The following GOLIM4 variants were observed in gnomAD, a reference collection of about 807,000 sequenced individuals.
The protein encoded by GOLIM4 is golgi integral membrane protein 4.
In GOLIM4, 71 loss-of-function variants were observed where a neutral mutation model predicts 107.4. That is an observed-to-expected ratio of 0.66 (90% CI 0.55 to 0.81). The LOEUF (loss-of-function observed/expected upper bound fraction) is 0.81, where lower values mean the gene tolerates loss of function less well. Ranked by LOEUF, GOLIM4 falls within the 30% of genes least tolerant of loss-of-function variation. GOLIM4 has a pLI of 0.00. For synonymous variants in GOLIM4, 327 were observed against 294.8 expected (o/e 1.11, Z -1.12); for missense variants, 830 against 826.1 (o/e 1.00, Z -0.06).
At chr3:168,023,306 C>T (rs190209911) in intron 14 of GOLIM4, among the ~76,000 whole-genome samples, 2 of 152,210 alleles carry the variant, frequency 1.3e-5, no homozygotes, top group Admixed American at 1.3e-4. Flanking sequence ...CTGCTGCTCT[C>T]TTTCTGACAA....
rs376334125 is a variant in GOLIM4 at position 168,010,247 on chromosome 3, G to A, written c.*22C>T. 55 of 1,604,386 alleles carry A rather than the reference G, an allele frequency of 3.4e-5. No individual in the cohort carries two copies. Among genetic ancestry groups the A allele is most frequent in the South Asian group, 1.1e-4 (10 of 88,910 alleles). ...CTTGAAAAGAATCCGTTGGCTGAGCGTTGTCTAGAAATTGGGTGCCGCTAC... is the reference window on the plus strand; with the variant it reads ...CTTGAAAAGAATCCGTTGGCTGAGCATTGTCTAGAAATTGGGTGCCGCTAC... On this transcript the variant is annotated 3_prime_UTR_variant, in exon 16 of 16. Transcript: ENST00000470487.
At chr3:168,012,305 T>C (rs1717091035) in intron 14 of GOLIM4, among the ~76,000 whole-genome samples, 1 of 135,646 alleles carries the variant, frequency 7.4e-6, no homozygotes, top group African/African-American at 3.7e-5. Context: ...GAAGATGAAA[T>C]GAATGAAATG....
Position 168,043,452 on chromosome 3 carries a change from T to A in GOLIM4, c.444A>T (p.Arg148Ser). Residue 148 changes from arginine (R) to serine (S), a missense_variant, in exon 5 of 16, where the codon AGA becomes AGT. By Grantham distance (110) the Arg-to-Ser change is moderately radical. Transcript: ENST00000470487. ...ATTTTTGCTTATGGTCATTAAATGTTCTACTGAAGTCTTCCCCTTGTTTGC... is the reference window on the plus strand; with the variant it reads ...ATTTTTGCTTATGGTCATTAAATGTACTACTGAAGTCTTCCCCTTGTTTGC... ...EHRKQGEDFS[R>S]TFNDHKQKYL... 6.2e-7 allele frequency: 1 copy of A among 1,613,148 alleles called. No individual in the cohort carries two copies. The highest frequency in any genetic ancestry group is 8.5e-7 in the Non-Finnish European group (1 of 1,179,198).
Position 168,031,444 on chromosome 3 carries a change from G to A in GOLIM4, c.1176+1076C>T, listed in dbSNP as rs534433981. Among the ~76,000 whole-genome samples, 13 of 152,044 alleles carry A rather than the reference G, an allele frequency of 8.6e-5. No individual in the cohort carries two copies. In the South Asian group the frequency reaches 1.0e-3, roughly 12 times the overall value. On this transcript the variant is annotated intron_variant, in intron 9 of 15. Transcript: ENST00000470487. Reference sequence around the variant, plus strand: ...CATTATATGAATGTTTCAAAATATCGCCCATACTCTGAAAATATATACATA... The same window carrying A: ...CATTATATGAATGTTTCAAAATATCACCCATACTCTGAAAATATATACATA...
At chr3:168,076,903 T>C (rs1721108866) in intron 1 of GOLIM4, among the ~76,000 whole-genome samples, 1 of 152,178 alleles carries the variant, frequency 6.6e-6, no homozygotes, top group African/African-American at 2.4e-5. Flanking sequence ...AATAACCAAA[T>C]TTATATTATC....
At chr3:168,031,452 T>C (rs1718334392) in intron 9 of GOLIM4, among the ~76,000 whole-genome samples, 1 of 152,360 alleles carries the variant, frequency 6.6e-6, no homozygotes, top group South Asian at 2.1e-4. Context: ...TCGCCCATAC[T>C]CTGAAAATAT....
At chr3:168,011,729 C>T (rs1344267272) in intron 14 of GOLIM4, among the ~76,000 whole-genome samples, 1 of 136,294 alleles carries the variant, frequency 7.3e-6, no homozygotes, top group Non-Finnish European at 1.5e-5. Flanking sequence ...CAAGTGGGTC[C>T]CTGACCCCTT....
intron 9 of GOLIM4, among the ~76,000 whole-genome samples, chr3:168,031,363 G>C (rs1718328426): frequency 6.6e-6 from 1 of 152,188 alleles, no homozygotes; most frequent in African/African-American, 2.4e-5. Flanking sequence ...ATAAATGTTT[G>C]ATGTGATGGG....
At chr3:168,041,900 AAAAAT>A (rs1297282035) in intron 5 of GOLIM4, among the ~76,000 whole-genome samples, 1 of 152,052 alleles carries the variant, frequency 6.6e-6, no homozygotes, top group African/African-American at 2.4e-5. Flanking sequence ...AAAAATATAT[AAAAAT>A]AAAATAATCA....
At chr3:168,056,297 C>T (rs1484054808) in intron 1 of GOLIM4, among the ~76,000 whole-genome samples, 1 of 152,232 alleles carries the variant, frequency 6.6e-6, no homozygotes. Flanking sequence ...GAACCTCCAC[C>T]TAGATTTCAG....
intron 14 of GOLIM4, among the ~76,000 whole-genome samples, chr3:168,011,052 G>C (rs960776392): frequency 6.6e-6 from 1 of 152,182 alleles, no homozygotes; most frequent in African/African-American, 2.4e-5. Flanking sequence ...CAAGATGGCC[G>C]AATAGGAACA....
chr3:168,019,578 C>T (rs1161527122), intron 14 of GOLIM4, among the ~76,000 whole-genome samples: 1 of 152,070 alleles, frequency 6.6e-6, no homozygotes, highest in Non-Finnish European at 1.5e-5. Flanking sequence ...TTTTTCCCTA[C>T]TGCTATGGAT....
intron 1 of GOLIM4, among the ~76,000 whole-genome samples, chr3:168,085,383 T>G (rs1472468429): frequency 6.6e-6 from 1 of 152,208 alleles, no homozygotes; most frequent in Non-Finnish European, 1.5e-5. Context: ...TTTAAGGGCA[T>G]GCATTGTCTC....
chr3:168,082,985 T>C (rs1015912319), intron 1 of GOLIM4, among the ~76,000 whole-genome samples: 1 of 152,186 alleles, frequency 6.6e-6, no homozygotes, highest in African/African-American at 2.4e-5. Context: ...GAAAGTACAA[T>C]GGAAGTCAAA....
At chr3:168,050,420 T>C (rs1312114534) in intron 1 of GOLIM4, among the ~76,000 whole-genome samples, 2 of 152,154 alleles carry the variant, frequency 1.3e-5, no homozygotes, top group East Asian at 3.8e-4. Context: ...AGATTAGCCC[T>C]ATAGAACATC....
intron 1 of GOLIM4, among the ~76,000 whole-genome samples, chr3:168,085,516 A>G (rs1439572030): frequency 3.3e-5 from 5 of 152,212 alleles, no homozygotes; most frequent in African/African-American, 1.2e-4. Flanking sequence ...ACTTTTTGAG[A>G]AGATTGTATC....
At chr3:168,082,310 C>A (rs914698101) in intron 1 of GOLIM4, among the ~76,000 whole-genome samples, 3 of 152,108 alleles carry the variant, frequency 2.0e-5, no homozygotes, top group African/African-American at 7.2e-5. Flanking sequence ...GGATAGGAGG[C>A]AGTTCTAAGA....
At chr3:168,054,215 C>A (rs1375376740) in intron 1 of GOLIM4, among the ~76,000 whole-genome samples, 1 of 152,156 alleles carries the variant, frequency 6.6e-6, no homozygotes, top group Admixed American at 6.5e-5. Flanking sequence ...TTAATAAGCC[C>A]TTTCCCACAC....
chr3:168,058,974 G>A (rs13317721), intron 1 of GOLIM4, among the ~76,000 whole-genome samples: 29,639 of 152,050 alleles, frequency 0.19, 3,633 homozygotes, highest in Middle Eastern at 0.29. Context: ...GAGAAAAAGA[G>A]AGGCAGAGGG....
Sources: gnomAD v4.1 joint callset for allele counts (sites outside exome capture counted in the v4.1 genomes callset) on GRCh38, gnomAD v4.1.1 for gene constraint, MANE v1.5 for transcripts, NCBI Gene and HGNC (gene_info 2026-07-23, HGNC 2026-07-21) for gene names.